Variants in PDP2 observed in about 807,000 individuals in gnomAD.
The protein encoded by PDP2 is [Pyruvate dehydrogenase [acetyl-transferring]]-phosphatase 2, mitochondrial.
Under a neutral mutation model 34.2 loss-of-function variants are expected in PDP2, and 23 were observed. The observed-to-expected ratio is 0.67, with a 90% CI of 0.48 to 0.95. The LOEUF (loss-of-function observed/expected upper bound fraction) is 0.95, where lower values mean the gene tolerates loss of function less well. PDP2 is among the 40% of genes least tolerant of loss of function. The pLI is 0.00. For missense variants in PDP2, 571 were observed against 659.6 expected, an observed-to-expected ratio of 0.87 and a Z score of 1.47; for synonymous variants, 275 against 269.2, an observed-to-expected ratio of 1.02 and a Z score of -0.21.
intron 1 of PDP2, among the ~76,000 whole-genome samples, chr16:66,881,446 T>TAATTC (rs1322522809): frequency 4.6e-5 from 7 of 150,634 alleles, no homozygotes; most frequent in Middle Eastern, 3.4e-3. Flanking sequence ...TAATTTAATT[T>TAATTC]AATTTAATTT....
rs764904768 is a variant in PDP2, at chr16:66,884,725, A to G, written c.441A>G (p.Ala147=). Reference sequence around the variant, plus strand: ...TCTTCGATGGACATGGTGGTCATGCATGTGCCCAAGCAGTGAGCGAGAGGC... The same window carrying G: ...TCTTCGATGGACATGGTGGTCATGCGTGTGCCCAAGCAGTGAGCGAGAGGC... ...FGIFDGHGGH[A]CAQAVSERLF... The change falls in exon 2 of 2, where the codon GCA becomes GCG. Residue 147 remains alanine (A), a synonymous_variant. Transcript: ENST00000311765. 1.2e-6 allele frequency: 2 copies of G among 1,614,198 alleles called. No individual in the cohort carries two copies. The highest frequency in any genetic ancestry group is 2.7e-5 in the African/African-American group (2 of 75,054).
chr16:66,887,380 C>T lies in PDP2; in HGVS notation c.*1506C>T, dbSNP rs553848015. The T allele has an allele frequency of 1.8e-5, 3 of 167,048 alleles. No individual in the cohort carries two copies. The highest frequency in any genetic ancestry group is 2.1e-4 in the South Asian group (1 of 4,828). 10.3% of individuals were successfully genotyped at this position (167,048 alleles called of 1,614,324 possible). A position where few individuals can be genotyped will look rare whatever the true frequency, so the allele number is the denominator to read the frequency against. On this transcript the variant is annotated 3_prime_UTR_variant, in exon 2 of 2. Coordinates refer to ENST00000311765, the MANE Select transcript of PDP2 (RefSeq NM_020786.4). Reference sequence around the variant, plus strand: ...CCAACAATTTTATTTGCCTCTACTACGTCAGGCAGAATTCTTCAATTAAGT... The same window carrying T: ...CCAACAATTTTATTTGCCTCTACTATGTCAGGCAGAATTCTTCAATTAAGT...
At position 66,880,516 on chromosome 16, in the gene PDP2, T is replaced by G. The variant is rs1426436166; in HGVS notation, c.-179T>G. ...CCAGGGCTGGCGGGAGGGCGCTTCCTTCTGGAGCTGGGTCCTGACTAGGGA... is the reference window on the plus strand; with the variant it reads ...CCAGGGCTGGCGGGAGGGCGCTTCCGTCTGGAGCTGGGTCCTGACTAGGGA... On this transcript the variant is annotated 5_prime_UTR_variant, in exon 1 of 2. Transcript: ENST00000311765. The G allele has an allele frequency of 6.5e-6, 1 of 152,804 alleles. No individual in the cohort carries two copies. Among genetic ancestry groups the G allele is most frequent in the Non-Finnish European group, 1.5e-5 (1 of 68,546 alleles). The allele number at this position is 152,804 out of a possible 1,614,324, so 9.5% of individuals were successfully genotyped here. A position where few individuals can be genotyped will look rare whatever the true frequency, so the allele number is the denominator to read the frequency against.
chr16:66,884,047 G>A (rs983710945), intron 1 of PDP2, among the ~76,000 whole-genome samples, 184 bp from the exon 2 acceptor site: 12 of 151,826 alleles, frequency 7.9e-5, no homozygotes, highest in Non-Finnish European at 1.2e-4. Flanking sequence ...GGTGGCGGGC[G>A]CCTGTAGTCC....
rs1356617503 is a variant in PDP2 at position 66,889,994 on chromosome 16, A to C, written c.*4120A>C. 2 of 148,068 alleles carry C rather than the reference A, an allele frequency of 1.4e-5. No individual in the cohort carries two copies. Among genetic ancestry groups the C allele is most frequent in the East Asian group, 3.9e-4 (2 of 5,134 alleles). The allele number at this position is 148,068 out of a possible 1,614,324, so 9.2% of individuals were successfully genotyped here. A position where few individuals can be genotyped will look rare whatever the true frequency, so the allele number is the denominator to read the frequency against. ...TTTGAATTAAAAAAAAAAAAAAAAA[A>C]GTCGGCTGTGCACGGTGGCTCATGC... On this transcript the variant is annotated 3_prime_UTR_variant, in exon 2 of 2. Coordinates refer to ENST00000311765, the MANE Select transcript of PDP2 (RefSeq NM_020786.4).
At position 66,889,773 on chromosome 16, in the gene PDP2, C is replaced by T. The variant is rs563057322; in HGVS notation, c.*3899C>T. The T allele has an allele frequency of 6.6e-5, 10 of 151,010 alleles. No homozygotes were observed. The highest frequency in any genetic ancestry group is 1.9e-4 in the East Asian group (1 of 5,148). 9.4% of individuals were successfully genotyped at this position (151,010 alleles called of 1,614,324 possible). A position where few individuals can be genotyped will look rare whatever the true frequency, so the allele number is the denominator to read the frequency against. On this transcript the variant is annotated 3_prime_UTR_variant, in exon 2 of 2. Coordinates refer to ENST00000311765, the MANE Select transcript of PDP2 (RefSeq NM_020786.4). ...TCACTTGAGTACAGTATGAGACCAG[C>T]CTGGGCAACATAGATCTTGCCTCTA...
At chr16:66,883,884 T>C (rs1961616022) in intron 1 of PDP2, among the ~76,000 whole-genome samples, 2 of 152,148 alleles carry the variant, frequency 1.3e-5, no homozygotes, top group African/African-American at 4.8e-5. Context: ...TTTAAGAAAT[T>C]AAATTTGTGG....
In PDP2 at chr16:66,885,667, C is replaced by T. The variant is rs369136991; in HGVS notation, c.1383C>T (p.Ser461=). ...GCCTGCTGCTGCAGAGGAAAGCCAG[C>T]GGGCTCCACGAGGCTGACCAAAATG... The part of the protein sequence containing the change: ...MQSLLLQRKA[S]GLHEADQNAA... The change falls in exon 2 of 2, where the codon AGC becomes AGT. Residue 461 remains serine, a synonymous_variant. Coordinates refer to ENST00000311765, the MANE Select transcript of PDP2 (RefSeq NM_020786.4). The surrounding 1 kb of genome is among the most constrained non-coding windows in gnomAD (Gnocchi z 4.6). The T allele has an allele frequency of 2.9e-4, 469 of 1,614,004 alleles. No individual in the cohort carries two copies. The highest frequency in any genetic ancestry group is 3.8e-4 in the Non-Finnish European group (444 of 1,179,988).
rs149752521 is a variant in PDP2 at position 66,885,713 on chromosome 16, C to T, written c.1429C>T (p.His477Tyr). 9.3e-6 allele frequency: 15 copies of T among 1,613,934 alleles called. No homozygotes were observed. The highest frequency in any genetic ancestry group is 1.2e-5 in the Non-Finnish European group (14 of 1,180,026). The change falls in exon 2 of 2, where the codon CAT becomes TAT. Residue 477 changes from histidine (H) to tyrosine (Y), a missense_variant. Coordinates refer to ENST00000311765, the MANE Select transcript of PDP2 (RefSeq NM_020786.4). This position sits in a 1 kb window ranked among gnomAD's most constrained non-coding sequence, Gnocchi z 4.6. ...AAATGCAGCCACGCGGCTGATCAGACATGCCATCGGGAACAATGAGTATGG... is the reference window on the plus strand; with the variant it reads ...AAATGCAGCCACGCGGCTGATCAGATATGCCATCGGGAACAATGAGTATGG... The part of the protein sequence containing the change: ...DQNAATRLIR[H>Y]AIGNNEYGEM...
intron 1 of PDP2, among the ~76,000 whole-genome samples, chr16:66,881,288 C>T (rs1961503714): frequency 1.3e-5 from 2 of 151,992 alleles, no homozygotes; most frequent in South Asian, 4.2e-4. Flanking sequence ...GGTGGGCTGG[C>T]AGGGGGTGGG....
At position 66,884,731 on chromosome 16, in the gene PDP2, C is replaced by T. The variant is rs1839146973; in HGVS notation, c.447C>T (p.Ala149=). The T allele has an allele frequency of 6.2e-7, 1 of 1,614,126 alleles. No homozygotes were observed. The highest frequency in any genetic ancestry group is 8.5e-7 in the Non-Finnish European group (1 of 1,180,026). ...ATGGACATGGTGGTCATGCATGTGCCCAAGCAGTGAGCGAGAGGCTCTTCT... is the reference window on the plus strand; with the variant it reads ...ATGGACATGGTGGTCATGCATGTGCTCAAGCAGTGAGCGAGAGGCTCTTCT... The part of the protein sequence containing the change: ...IFDGHGGHAC[A]QAVSERLFYY... Residue 149 remains alanine, a synonymous_variant, in exon 2 of 2, where the codon GCC becomes GCT. Coordinates refer to ENST00000311765, the MANE Select transcript of PDP2 (RefSeq NM_020786.4).
At position 66,884,371 on chromosome 16, in the gene PDP2, G is replaced by A. The variant is rs1379765606; in HGVS notation, c.87G>A (p.Arg29=). ...TLQGGRRLYS[R]YVSNRNKLKW... is the part of the protein sequence containing the mutation. ...AAGGGGGTAGACGCTTATACTCCAG[G>A]TATGTCTCAAATAGGAATAAATTAA... Residue 29 remains arginine (R), a synonymous_variant, in exon 2 of 2, where the codon AGG becomes AGA. Coordinates refer to ENST00000311765, the MANE Select transcript of PDP2 (RefSeq NM_020786.4). 1.2e-6 allele frequency: 2 copies of A among 1,613,874 alleles called. No homozygotes were observed. The highest frequency in any genetic ancestry group is 2.7e-5 in the African/African-American group (2 of 74,870).
chr16:66,884,957 C>G lies in PDP2; in HGVS notation c.673C>G (p.Leu225Val). ...ELLDLHMEMG[L>V]SIEEALMYSF... ...GCTTGATTTGCACATGGAAATGGGACTAAGCATTGAAGAAGCATTAATGTA... is the reference window on the plus strand; with the variant it reads ...GCTTGATTTGCACATGGAAATGGGAGTAAGCATTGAAGAAGCATTAATGTA... Residue 225 changes from leucine to valine, a missense_variant, in exon 2 of 2, where the codon CTA becomes GTA. Physicochemically the swap from Leu to Val is conservative, Grantham distance 32. Transcript: ENST00000311765. 6.2e-7 allele frequency: 1 copy of G among 1,613,912 alleles called. No homozygotes were observed. Among genetic ancestry groups the G allele is most frequent in the Non-Finnish European group, 8.5e-7 (1 of 1,179,982 alleles).
rs1183716203 is a variant in PDP2, at chr16:66,889,468, T to G, written c.*3594T>G. 2 of 151,904 alleles carry G rather than the reference T, an allele frequency of 1.3e-5. No individual in the cohort carries two copies. Among genetic ancestry groups the G allele is most frequent in the African/African-American group, 4.8e-5 (2 of 41,324 alleles). 9.4% of individuals were successfully genotyped at this position (151,904 alleles called of 1,614,324 possible). A position where few individuals can be genotyped will look rare whatever the true frequency, so the allele number is the denominator to read the frequency against. On this transcript the variant is annotated 3_prime_UTR_variant, in exon 2 of 2. Transcript: ENST00000311765. ...GCATGCACCACCACACACCGCTAAT[T>G]TTTTGTATTTTTAGTAGAGACAGAG...
rs1174792377 is a variant in PDP2 at position 66,885,878 on chromosome 16, T to A, written c.*4T>A. The A allele has an allele frequency of 6.3e-7, 1 of 1,587,246 alleles. No individual in the cohort carries two copies. The highest frequency in any genetic ancestry group is 1.1e-5 in the South Asian group (1 of 88,678). ...TGCATATTACAAGGGGGGTTAAGAA[T>A]CTCCCATCCTATTGTCAAGGTTAAC... On this transcript the variant is annotated 3_prime_UTR_variant, in exon 2 of 2. Coordinates refer to ENST00000311765, the MANE Select transcript of PDP2 (RefSeq NM_020786.4). This position sits in a 1 kb window ranked among gnomAD's most constrained non-coding sequence, Gnocchi z 4.6.
rs1424056349 is a variant in PDP2, at chr16:66,884,416, G to A, written c.132G>A (p.Arg44=). ...RNKLKWRLFS[R]VPPTLNSSPC... The stretch of plus-strand genomic sequence containing the variant: ...AATTAAAATGGAGGCTCTTTTCCCG[G>A]GTGCCACCCACCCTAAACAGTTCCC... The change falls in exon 2 of 2, where the codon CGG becomes CGA. Residue 44 remains arginine, a synonymous_variant. Transcript: ENST00000311765. 6.2e-7 allele frequency: 1 copy of A among 1,614,014 alleles called. No homozygotes were observed. Among genetic ancestry groups the A allele is most frequent in the Non-Finnish European group, 8.5e-7 (1 of 1,180,018 alleles).
At position 66,886,059 on chromosome 16, in the gene PDP2, T is replaced by C. The variant is rs986625127; in HGVS notation, c.*185T>C. On this transcript the variant is annotated 3_prime_UTR_variant, in exon 2 of 2. Transcript: ENST00000311765. ...AAACAGTGAAATAGCAGTGATTTCA[T>C]GTCCCTGTATGTTCTGATTAAGTCT... The C allele has an allele frequency of 1.2e-4, 76 of 614,914 alleles. No individual in the cohort carries two copies. The highest frequency in any genetic ancestry group is 3.1e-4 in the South Asian group (15 of 48,598). 38.1% of individuals were successfully genotyped at this position (614,914 alleles called of 1,614,324 possible). A position where few individuals can be genotyped will look rare whatever the true frequency, so the allele number is the denominator to read the frequency against.
In PDP2 at chr16:66,887,127, A is replaced by T. The variant is rs1961796765; in HGVS notation, c.*1253A>T. 1 of 167,142 alleles carries T rather than the reference A, an allele frequency of 6.0e-6. No individual in the cohort carries two copies. 10.4% of individuals were successfully genotyped at this position (167,142 alleles called of 1,614,324 possible). ...ACGCTTGCCCCAAGACTGTGGGATA[A>T]ACCACCATTGCTAGTCCTCAGGAAT... On this transcript the variant is annotated 3_prime_UTR_variant, in exon 2 of 2. Coordinates refer to ENST00000311765, the MANE Select transcript of PDP2 (RefSeq NM_020786.4).
chr16:66,884,979 T>A lies in PDP2; in HGVS notation c.695T>A (p.Met232Lys). The change falls in exon 2 of 2, where the codon ATG becomes AAG. Residue 232 changes from methionine to lysine, a missense_variant. Around this residue, in one of 2 missense-constraint regions of PDP2, gnomAD observed 290 missense variants for 283.8 expected, o/e 1.02. Coordinates refer to ENST00000311765, the MANE Select transcript of PDP2 (RefSeq NM_020786.4). ...GGACTAAGCATTGAAGAAGCATTAA[T>A]GTACTCCTTCCAGAGACTGGATTCT... ...EMGLSIEEAL[M>K]YSFQRLDSDI... 1.2e-6 allele frequency: 2 copies of A among 1,613,700 alleles called. No individual in the cohort carries two copies. The highest frequency in any genetic ancestry group is 1.7e-6 in the Non-Finnish European group (2 of 1,179,824).
Sources: allele counts gnomAD v4.1 joint callset (sites outside exome capture counted in the v4.1 genomes callset), GRCh38; gene constraint gnomAD v4.1.1; regional missense constraint gnomAD v4.1.1; non-coding constraint Gnocchi (gnomAD v3.1); transcripts MANE v1.5; gene names NCBI Gene and HGNC (gene_info 2026-07-23, HGNC 2026-07-21).